The following HAAO variants were observed in gnomAD, a reference collection of about 807,000 sequenced individuals.
HAAO encodes 3-hydroxyanthranilate 3,4-dioxygenase, also known as 3-hydroxyanthranilate oxygenase.
Under a neutral mutation model 46.2 loss-of-function variants are expected in HAAO, and 49 were observed. The ratio of observed to expected loss-of-function variants is 1.06; its 90% CI spans 0.84 to 1.34. HAAO has a LOEUF of 1.34. Among genes scored for constraint, HAAO ranks in the 40% most tolerant of loss-of-function variants. The pLI, the probability that HAAO is intolerant of heterozygous loss-of-function variation, is 0.00. For missense variants in HAAO, 408 were observed against 364.5 expected (o/e 1.12, Z -0.97); for synonymous variants, 157 against 145.2 (o/e 1.08, Z -0.58).
intron 5 of HAAO, 44 bp from the exon 6 acceptor site, chr2:42,770,230 A>G (rs1324743192): frequency 4.5e-6 from 7 of 1,540,928 alleles, no homozygotes; most frequent in Non-Finnish European, 5.3e-6. Context: ...GAGCACTCCC[A>G]TCGGAGTGGC....
intron 4 of HAAO, among the ~76,000 whole-genome samples, chr2:42,777,996 ACT>A (rs58379147): frequency 0.2 from 30,022 of 151,510 alleles, 3,194 homozygotes; most frequent in Non-Finnish European, 0.25. Context: ...TATGAGAAAG[ACT>A]CTTGTATGGT....
intron 7 of HAAO, 128 bp from the exon 8 acceptor site, chr2:42,768,056 T>C: frequency 3.9e-6 from 3 of 763,260 alleles, no homozygotes; most frequent in Non-Finnish European, 6.6e-6. Context: ...CCCATCACCA[T>C]GTGCTGAGCA....
chr2:42,774,490 T>G (rs935272669), intron 4 of HAAO, among the ~76,000 whole-genome samples: 1 of 152,232 alleles, frequency 6.6e-6, no homozygotes, highest in Non-Finnish European at 1.5e-5. Context: ...ACTCCCTTTT[T>G]TTTGGAGTTT....
At chr2:42,777,728 A>C (rs1671692923) in intron 4 of HAAO, among the ~76,000 whole-genome samples, 1 of 152,226 alleles carries the variant, frequency 6.6e-6, no homozygotes, top group Non-Finnish European at 1.5e-5. Context: ...ATAATTTAGA[A>C]TCTAAAGTTA....
At position 42,792,526 on chromosome 2, in the gene HAAO, C is replaced by A. The variant is rs1387088434; in HGVS notation, c.11G>T (p.Arg4Leu). The part of the protein sequence containing the change: MER[R>L]LGVRAWVKEN... ...CTTCACCCAGGCCCTCACTCCCAGG[C>A]GGCGCTCCATGACTGTCCCGGGCGC... Residue 4 changes from arginine (R) to leucine (L), a missense_variant, in exon 1 of 10, where the codon CGC becomes CTC. Physicochemically the swap from Arg to Leu is moderately radical, Grantham distance 102. Transcript: ENST00000294973. 6 of 1,591,210 alleles carry A rather than the reference C, an allele frequency of 3.8e-6. No individual in the cohort carries two copies. Among genetic ancestry groups the A allele is most frequent in the Non-Finnish European group, 5.1e-6 (6 of 1,169,658 alleles).
intron 2 of HAAO, among the ~76,000 whole-genome samples, chr2:42,787,777 T>C (rs1307627257): frequency 6.6e-6 from 1 of 152,194 alleles, no homozygotes; most frequent in Non-Finnish European, 1.5e-5. Flanking sequence ...GGAGCCCCTC[T>C]ACTGATCCTT....
intron 4 of HAAO, among the ~76,000 whole-genome samples, chr2:42,773,217 T>C (rs1006974537): frequency 3.9e-5 from 6 of 152,232 alleles, no homozygotes; most frequent in African/African-American, 1.4e-4. Flanking sequence ...TTTAACTTCT[T>C]TGTAATGATA....
At chr2:42,785,646 G>T (rs1012488652) in intron 2 of HAAO, among the ~76,000 whole-genome samples, 1 of 152,102 alleles carries the variant, frequency 6.6e-6, no homozygotes, top group Non-Finnish European at 1.5e-5. Flanking sequence ...AGGATCACTT[G>T]AGGCCAGGAG....
intron 4 of HAAO, among the ~76,000 whole-genome samples, chr2:42,779,691 T>C (rs1671848448): frequency 6.6e-6 from 1 of 152,240 alleles, no homozygotes; most frequent in Non-Finnish European, 1.5e-5. Flanking sequence ...GTTTTCACCT[T>C]TTTTGAAATC....
In HAAO at chr2:42,792,575, C is replaced by T; in HGVS notation, c.-39G>A. On this transcript the variant is annotated 5_prime_UTR_variant, in exon 1 of 10. Coordinates refer to ENST00000294973, the MANE Select transcript of HAAO (RefSeq NM_012205.3). ...GCCTCCTCGCAGCGCTGTCCTCCCG[C>T]CGTCGGAGGCCCGCAGCTCCGCCCA... is the stretch of plus-strand genomic sequence containing the variant. 2 of 1,441,122 alleles carry T rather than the reference C, an allele frequency of 1.4e-6. No homozygotes were observed. Among genetic ancestry groups the T allele is most frequent in the East Asian group, 5.3e-5 (2 of 37,952 alleles). 89.3% of individuals were successfully genotyped at this position (1,441,122 alleles called of 1,614,324 possible). A position where few individuals can be genotyped will look rare whatever the true frequency, so the allele number is the denominator to read the frequency against.
rs1025579718 is a variant in HAAO, at chr2:42,767,222, G to A, written c.*215C>T. 2 of 611,588 alleles carry A rather than the reference G, an allele frequency of 3.3e-6. No homozygotes were observed. Among genetic ancestry groups the A allele is most frequent in the African/African-American group, 3.7e-5 (2 of 54,420 alleles). 37.9% of individuals were successfully genotyped at this position (611,588 alleles called of 1,614,324 possible). A position where few individuals can be genotyped will look rare whatever the true frequency, so the allele number is the denominator to read the frequency against. ...GGCAAGACTGGCAAGGCAGTGGGCT[G>A]AGTCTGCCAGAGAAGATGGGGAGCT... On this transcript the variant is annotated 3_prime_UTR_variant, in exon 10 of 10. Coordinates refer to ENST00000294973, the MANE Select transcript of HAAO (RefSeq NM_012205.3).
At chr2:42,784,399 G>A (rs1672239824) in intron 2 of HAAO, among the ~76,000 whole-genome samples, 1 of 152,002 alleles carries the variant, frequency 6.6e-6, no homozygotes, top group African/African-American at 2.4e-5. Context: ...TGTGGCTCTG[G>A]AGCCACTGGC....
At chr2:42,782,232 C>T (rs2104660564) in intron 4 of HAAO, among the ~76,000 whole-genome samples, 1 of 152,272 alleles carries the variant, frequency 6.6e-6, no homozygotes, top group East Asian at 1.9e-4. Context: ...ACAACTTAAA[C>T]TTCAGAAGAA....
chr2:42,772,145 T>C (rs1671174965), intron 4 of HAAO, among the ~76,000 whole-genome samples: 1 of 152,188 alleles, frequency 6.6e-6, no homozygotes, highest in African/African-American at 2.4e-5. Flanking sequence ...ACACAGTAAA[T>C]GATTATGCAG....
At chr2:42,772,280 A>G (rs1033781488) in intron 4 of HAAO, among the ~76,000 whole-genome samples, 2 of 152,190 alleles carry the variant, frequency 1.3e-5, no homozygotes, top group African/African-American at 2.4e-5. Flanking sequence ...TGGCAGTTCG[A>G]GACCAGCCTG....
At position 42,771,993 on chromosome 2, in the gene HAAO, C is replaced by A. The variant is rs1157646454; in HGVS notation, c.351-1411G>T. Among the ~76,000 whole-genome samples, 3 of 152,240 alleles carry A rather than the reference C, an allele frequency of 2.0e-5. No homozygotes were observed. In the East Asian group the frequency reaches 5.8e-4, roughly 29 times the overall value. On this transcript the variant is annotated intron_variant, in intron 4 of 9. Transcript: ENST00000294973. Reference sequence around the variant, plus strand: ...GGCTTTTATTAAAGGTCAAAAGCAGCCAGATGAAATGTGTTATTGAATTTG... The same window carrying A: ...GGCTTTTATTAAAGGTCAAAAGCAGACAGATGAAATGTGTTATTGAATTTG...
rs1670748674 is a variant in HAAO at position 42,767,464 on chromosome 2, G to T, written c.834C>A (p.Asp278Glu). The change falls in exon 10 of 10, where the codon GAC becomes GAA. Residue 278 changes from aspartate to glutamate, a missense_variant. Coordinates refer to ENST00000294973, the MANE Select transcript of HAAO (RefSeq NM_012205.3). ...QGSVALSVTQ[D>E]PACKKPLG ...ACCCCAGGGGCTTCTTGCAGGCAGG[G>T]TCCTGGGTCACAGACAGGGCCACAG... The T allele has an allele frequency of 1.9e-6, 3 of 1,613,216 alleles. No homozygotes were observed. Among genetic ancestry groups the T allele is most frequent in the Admixed American group, 1.7e-5 (1 of 59,938 alleles).
intron 7 of HAAO, among the ~76,000 whole-genome samples, chr2:42,769,321 C>T (rs146720815): frequency 6.6e-6 from 1 of 152,334 alleles, no homozygotes; most frequent in Non-Finnish European, 1.5e-5. Context: ...CACTCCCAAA[C>T]AACTCTCTCC....
In HAAO at chr2:42,770,153, C is replaced by T; in HGVS notation, c.474G>A (p.Lys158=). Residue 158 remains lysine, a synonymous_variant, in exon 6 of 10, where the codon AAG becomes AAA. Coordinates refer to ENST00000294973, the MANE Select transcript of HAAO (RefSeq NM_012205.3). ...FFSSEQYRTG[K]PIPDQLLKEP... ...TCCCAGCGGCCTCACCAGGGATGGG[C>T]TTTCCTGTTCTGTACTGCTCAGAGC... 2 of 1,603,392 alleles carry T rather than the reference C, an allele frequency of 1.2e-6. No homozygotes were observed. Among genetic ancestry groups the T allele is most frequent in the Non-Finnish European group, 1.7e-6 (2 of 1,173,996 alleles).
Sources: gnomAD v4.1 joint callset for allele counts (sites outside exome capture counted in the v4.1 genomes callset) on GRCh38, gnomAD v4.1.1 for gene constraint, MANE v1.5 for transcripts, NCBI Gene and HGNC (gene_info 2026-07-23, HGNC 2026-07-21) for gene names.